Variants in TIAM1 observed in about 807,000 individuals in gnomAD.
TIAM1 encodes rho guanine nucleotide exchange factor TIAM1.
Under a neutral mutation model 163.5 loss-of-function variants are expected in TIAM1, and 65 were observed. The ratio of observed to expected loss-of-function variants is 0.40; its 90% CI spans 0.33 to 0.49. The LOEUF (loss-of-function observed/expected upper bound fraction) is 0.49, where lower values mean the gene tolerates loss of function less well. Ranked by LOEUF, TIAM1 falls within the 20% of genes least tolerant of loss-of-function variation. The probability of loss-of-function intolerance (pLI) is 0.77; values close to 1 mark genes in which losing one functional copy is unlikely to be tolerated. For missense variants in TIAM1, 1,789 were observed against 2,044.7 expected (o/e 0.87, Z 2.41); for synonymous variants, 833 against 810.1 (o/e 1.03, Z -0.48).
intron 2 of TIAM1, among the ~76,000 whole-genome samples, chr21:31,424,962 A>T (rs759671136): frequency 4.6e-5 from 7 of 152,078 alleles, no homozygotes; most frequent in Non-Finnish European, 8.8e-5. Flanking sequence ...CTGAGGCAGG[A>T]GAATCGCTTG....
At chr21:31,527,036 GCTTCCAAAGA>G (rs2047810613) in intron 1 of TIAM1, among the ~76,000 whole-genome samples, 1 of 152,060 alleles carries the variant, frequency 6.6e-6, no homozygotes, top group East Asian at 1.9e-4. Flanking sequence ...CTTCCATCAA[GCTTCCAAAGA>G]CTTCCAAAGA....
At chr21:31,287,361 C>T (rs1004246241) in intron 2 of TIAM1, among the ~76,000 whole-genome samples, 3 of 152,122 alleles carry the variant, frequency 2.0e-5, no homozygotes, top group African/African-American at 7.2e-5. Flanking sequence ...TTACTGGGCA[C>T]CTGTTATATG....
At chr21:31,236,919 G>A (rs1195972844) in intron 6 of TIAM1, among the ~76,000 whole-genome samples, 3 of 152,142 alleles carry the variant, frequency 2.0e-5, no homozygotes, top group Non-Finnish European at 4.4e-5. Flanking sequence ...CGTGGCAGGA[G>A]GTAAATGAAA....
chr21:31,359,086 T>C (rs992421161), intron 2 of TIAM1, among the ~76,000 whole-genome samples: 1 of 152,134 alleles, frequency 6.6e-6, no homozygotes, highest in African/African-American at 2.4e-5. Flanking sequence ...TTCATTCAAA[T>C]GGTACCATCT....
At chr21:31,462,887 C>A (rs979691088) in intron 2 of TIAM1, among the ~76,000 whole-genome samples, 1 of 152,106 alleles carries the variant, frequency 6.6e-6, no homozygotes, top group South Asian at 2.1e-4. Context: ...GGATTACAGG[C>A]ACCTGCCACC....
At chr21:31,321,740 C>T (rs2147031457) in intron 2 of TIAM1, among the ~76,000 whole-genome samples, 1 of 152,106 alleles carries the variant, frequency 6.6e-6, no homozygotes, top group East Asian at 1.9e-4. Context: ...CTGATTGAAA[C>T]TTTAACCCTT....
chr21:31,178,932 G>C (rs941220652), intron 15 of TIAM1, among the ~76,000 whole-genome samples: 3 of 151,246 alleles, frequency 2.0e-5, no homozygotes. Context: ...TGTATTTTTA[G>C]TAGAGACGGG....
chr21:31,171,239 T>C (rs1279839168), intron 15 of TIAM1, among the ~76,000 whole-genome samples: 2 of 151,898 alleles, frequency 1.3e-5, no homozygotes, highest in Non-Finnish European at 2.9e-5. Flanking sequence ...GAGATATAAA[T>C]CAGTATATGA....
intron 1 of TIAM1, among the ~76,000 whole-genome samples, chr21:31,340,506 T>C (rs1356608310): frequency 6.6e-6 from 1 of 152,176 alleles, no homozygotes; most frequent in Non-Finnish European, 1.5e-5. Context: ...CAGCATCGTC[T>C]ATCTTCACGT....
chr21:31,326,792 T>A (rs2075503034), intron 2 of TIAM1, among the ~76,000 whole-genome samples: 1 of 152,184 alleles, frequency 6.6e-6, no homozygotes, highest in Admixed American at 6.5e-5. Flanking sequence ...CTTCCAGTGA[T>A]GTGAGGTTTA....
At chr21:31,176,370 C>T (rs996427694) in intron 15 of TIAM1, among the ~76,000 whole-genome samples, 5 of 152,032 alleles carry the variant, frequency 3.3e-5, no homozygotes, top group Non-Finnish European at 5.9e-5. Context: ...TCTTTTTGTC[C>T]TAGACATCCT....
intron 2 of TIAM1, among the ~76,000 whole-genome samples, chr21:31,298,763 T>TGTGTGTGA (rs1297105045): frequency 7.4e-6 from 1 of 134,462 alleles, no homozygotes; most frequent in East Asian, 2.2e-4. Flanking sequence ...TGTGTGTGTG[T>TGTGTGTGA]GTGTGAGAAA....
chr21:31,456,463 C>A (rs1340319812), intron 2 of TIAM1, among the ~76,000 whole-genome samples: 1 of 152,194 alleles, frequency 6.6e-6, no homozygotes, highest in Non-Finnish European at 1.5e-5. Flanking sequence ...AGGGCCTTTG[C>A]CAGGGAAACT....
chr21:31,318,386 T>C (rs2075199344), intron 2 of TIAM1, among the ~76,000 whole-genome samples: 1 of 152,224 alleles, frequency 6.6e-6, no homozygotes, highest in African/African-American at 2.4e-5. Flanking sequence ...ATTACAGGCG[T>C]GAGCCACCGT....
chr21:31,433,662 G>A (rs2300367), intron 2 of TIAM1, among the ~76,000 whole-genome samples: 1,888 of 152,234 alleles, frequency 0.012, 69 homozygotes, highest in East Asian at 0.069. Context: ...TTAAGATGAG[G>A]GTGGTAATTG....
At chr21:31,431,074 T>C (rs1332404254) in intron 2 of TIAM1, among the ~76,000 whole-genome samples, 3 of 152,162 alleles carry the variant, frequency 2.0e-5, no homozygotes, top group South Asian at 4.1e-4. Flanking sequence ...CCTTTGATTG[T>C]TCTGTACTTC....
Position 31,402,282 on chromosome 21 carries a change from G to T in TIAM1, c.-369+61701C>A, listed in dbSNP as rs139641864. On this transcript the variant is annotated intron_variant, in intron 2 of 28. Coordinates refer to the TIAM1 transcript ENST00000286827. Reference sequence around the variant, plus strand: ...ACTAAGACAGTTACCTAGAGGAAAGGTCAGGTAGTATTGGACTAGAGCAAC... The same window carrying T: ...ACTAAGACAGTTACCTAGAGGAAAGTTCAGGTAGTATTGGACTAGAGCAAC... Among the ~76,000 whole-genome samples, 623 of 152,166 alleles carry T rather than the reference G, an allele frequency of 4.1e-3. 2 individuals carry two copies. Among genetic ancestry groups the T allele is most frequent in the African/African-American group, 0.013 (545 of 41,504 alleles).
intron 2 of TIAM1, among the ~76,000 whole-genome samples, chr21:31,400,859 G>T (rs1230253813): frequency 6.6e-6 from 1 of 151,776 alleles, no homozygotes; most frequent in Non-Finnish European, 1.5e-5. Flanking sequence ...GGGAGGCCGA[G>T]GTGGGTGGAT....
chr21:31,151,167 T>C (rs2083352234), intron 19 of TIAM1, among the ~76,000 whole-genome samples: 1 of 152,166 alleles, frequency 6.6e-6, no homozygotes, highest in Non-Finnish European at 1.5e-5. Flanking sequence ...AGCAGTTTCT[T>C]AAAAAGTTAA....
Sources: gnomAD v4.1 joint callset for allele counts (sites outside exome capture counted in the v4.1 genomes callset) on GRCh38, gnomAD v4.1.1 for gene constraint, MANE v1.5 for transcripts, NCBI Gene and HGNC (gene_info 2026-07-23, HGNC 2026-07-21) for gene names.